The following PLD1 variants were observed in gnomAD, a reference collection of about 807,000 sequenced individuals.
PLD1 encodes choline phosphatase 1.
A neutral mutation model predicts 137.1 loss-of-function variants in PLD1; 112 were observed. The ratio of observed to expected loss-of-function variants is 0.82; its 90% CI spans 0.70 to 0.96. The LOEUF is 0.96. PLD1 is among the 40% of genes least tolerant of loss of function. The probability of loss-of-function intolerance (pLI) is 0.00; values close to 1 mark genes in which losing one functional copy is unlikely to be tolerated. For synonymous variants in PLD1, 431 were observed against 454.7 expected (o/e 0.95, Z 0.66); for missense variants, 1,321 against 1,342.0 (o/e 0.98, Z 0.24).
intron 11 of PLD1, among the ~76,000 whole-genome samples, chr3:171,703,403 T>C (rs2108549722): frequency 6.6e-6 from 1 of 152,316 alleles, no homozygotes; most frequent in Non-Finnish European, 1.5e-5. Flanking sequence ...ACTGTCTTTA[T>C]TCGTAGATCA....
intron 23 of PLD1, among the ~76,000 whole-genome samples, chr3:171,640,850 C>G (rs982150186): frequency 2.6e-5 from 4 of 152,238 alleles, no homozygotes; most frequent in Non-Finnish European, 5.9e-5. Context: ...AGCTTATCCT[C>G]TTAAGATTTT....
intron 25 of PLD1, among the ~76,000 whole-genome samples, chr3:171,605,686 A>T (rs190771990): frequency 6.6e-6 from 1 of 152,242 alleles, no homozygotes; most frequent in East Asian, 1.9e-4. Flanking sequence ...AATTATAATA[A>T]CCCTTGTACT....
chr3:171,686,257 G>A (rs750135391), intron 16 of PLD1, among the ~76,000 whole-genome samples: 82 of 151,926 alleles, frequency 5.4e-4, no homozygotes, highest in Non-Finnish European at 1.8e-4. Context: ...TTTGAAAGCA[G>A]TTGGTGCTTT....
intron 18 of PLD1, among the ~76,000 whole-genome samples, chr3:171,675,865 C>T (rs1353343790): frequency 1.4e-5 from 2 of 139,806 alleles, no homozygotes; most frequent in East Asian, 2.1e-4. Context: ...TTTTTTGAGA[C>T]AGAGTCTCGC....
chr3:171,689,562 G>A (rs926902728), intron 13 of PLD1, among the ~76,000 whole-genome samples: 17 of 151,094 alleles, frequency 1.1e-4, no homozygotes, highest in African/African-American at 3.2e-4. Flanking sequence ...GTGTAGACAC[G>A]TGATCATAGC....
intron 11 of PLD1, among the ~76,000 whole-genome samples, chr3:171,704,006 T>C (rs1016759824): frequency 2.6e-5 from 4 of 152,116 alleles, no homozygotes; most frequent in Non-Finnish European, 4.4e-5. Flanking sequence ...TAAAAACCCA[T>C]CTTTCTGGCT....
chr3:171,730,849 G>C (rs55698147), intron 6 of PLD1, among the ~76,000 whole-genome samples: 40,991 of 151,920 alleles, frequency 0.27, 5,959 homozygotes, highest in Admixed American at 0.32. Context: ...ATGTTGTCCA[G>C]GCTGGTCTCG....
chr3:171,735,027 T>G (rs1560262797), intron 4 of PLD1, 57 bp from the exon 5 acceptor site: 2 of 952,390 alleles, frequency 2.1e-6, no homozygotes, highest in East Asian at 2.4e-5. Flanking sequence ...TGACTATGAC[T>G]TTAGTATGTC....
At chr3:171,723,299 C>T (rs1398126322) in intron 8 of PLD1, among the ~76,000 whole-genome samples, 3 of 152,122 alleles carry the variant, frequency 2.0e-5, no homozygotes, top group Admixed American at 6.5e-5. Context: ...GTTGCAATGA[C>T]GGGATCTCAT....
chr3:171,708,714 T>C (rs763499562), intron 11 of PLD1, 41 bp downstream of exon 11: 21 of 1,018,858 alleles, frequency 2.1e-5, no homozygotes, highest in Non-Finnish European at 3.3e-5. Flanking sequence ...TTTCTAAACA[T>C]AGAGACTTCC....
chr3:171,800,526 AG>A (rs908917058), intron 1 of PLD1, among the ~76,000 whole-genome samples: 29 of 152,180 alleles, frequency 1.9e-4, no homozygotes, highest in African/African-American at 7.0e-4. Context: ...AATTTTTAAA[AG>A]GCAAATATAC....
chr3:171,803,525 G>A (rs1049253738), intron 1 of PLD1, among the ~76,000 whole-genome samples: 5 of 152,200 alleles, frequency 3.3e-5, no homozygotes, highest in African/African-American at 1.2e-4. Flanking sequence ...CACTAGGTCA[G>A]GAGTTCAAGA....
At chr3:171,790,368 C>A (rs1723167246) in intron 1 of PLD1, among the ~76,000 whole-genome samples, 1 of 152,140 alleles carries the variant, frequency 6.6e-6, no homozygotes, top group African/African-American at 2.4e-5. Context: ...CTCTGGTAAA[C>A]CCTGACTGAT....
intron 1 of PLD1, among the ~76,000 whole-genome samples, chr3:171,764,906 AGG>A: frequency 8.9e-5 from 3 of 33,870 alleles, no homozygotes; most frequent in African/African-American, 2.1e-4. Flanking sequence ...GAAGGAAGGA[AGG>A]AAGGAAAGAA....
At chr3:171,717,619 T>A (rs1182830975) in intron 8 of PLD1, among the ~76,000 whole-genome samples, 1 of 152,014 alleles carries the variant, frequency 6.6e-6, no homozygotes, top group Non-Finnish European at 1.5e-5. Flanking sequence ...GCTCAAGGAG[T>A]TTTTGGGCAA....
intron 1 of PLD1, among the ~76,000 whole-genome samples, chr3:171,752,887 C>A (rs1300578356): frequency 6.6e-6 from 1 of 152,126 alleles, no homozygotes; most frequent in Non-Finnish European, 1.5e-5. Context: ...GAATACAAAA[C>A]CTGGTCTGTA....
chr3:171,761,376 G>C (rs1354009271), intron 1 of PLD1, among the ~76,000 whole-genome samples: 1 of 152,160 alleles, frequency 6.6e-6, no homozygotes, highest in African/African-American at 2.4e-5. Flanking sequence ...GAGTTTCCTA[G>C]AGCCAGCACT....
chr3:171,695,516 T>A (rs1238499840), intron 12 of PLD1, among the ~76,000 whole-genome samples: 1 of 152,214 alleles, frequency 6.6e-6, no homozygotes, highest in Non-Finnish European at 1.5e-5. Flanking sequence ...TTCTAATTAG[T>A]TTTTTGTCAA....
At chr3:171,670,366 C>A (rs1408179336) in intron 19 of PLD1, among the ~76,000 whole-genome samples, 1 of 152,118 alleles carries the variant, frequency 6.6e-6, no homozygotes, top group Non-Finnish European at 1.5e-5. Flanking sequence ...AAAATCAATG[C>A]AAATTTACAA....
Sources: gnomAD v4.1 joint callset for allele counts (sites outside exome capture counted in the v4.1 genomes callset) on GRCh38, gnomAD v4.1.1 for gene constraint, MANE v1.5 for transcripts, NCBI Gene and HGNC (gene_info 2026-07-23, HGNC 2026-07-21) for gene names.